Variants in C10orf143 observed in about 807,000 individuals in gnomAD.
C10orf143 encodes the protein uncharacterized protein C10orf143.
intron 3 of C10orf143, among the ~76,000 whole-genome samples, chr10:130,048,879 T>C (rs999778685): frequency 4.9e-4 from 74 of 152,116 alleles, no homozygotes; most frequent in Non-Finnish European, 9.7e-4. Context: ...GTTTTATTTA[T>C]TTATTCTTAG....
At chr10:130,109,365 G>A (rs1348326873) in intron 1 of C10orf143, among the ~76,000 whole-genome samples, 1 of 151,984 alleles carries the variant, frequency 6.6e-6, no homozygotes. Flanking sequence ...TGGTGTGAGG[G>A]GAAGGAACTT....
intron 1 of C10orf143, among the ~76,000 whole-genome samples, chr10:130,103,152 A>G (rs1233521430): frequency 6.6e-6 from 1 of 151,768 alleles, no homozygotes; most frequent in African/African-American, 2.4e-5. Context: ...CTAATTCTGT[A>G]TTTTTAGTAG....
At chr10:130,086,972 C>T (rs895980743) in intron 1 of C10orf143, among the ~76,000 whole-genome samples, 1 of 152,212 alleles carries the variant, frequency 6.6e-6, no homozygotes, top group South Asian at 2.1e-4. Context: ...GCTGAAGGGC[C>T]AGGGTCCCGA....
Position 130,102,962 on chromosome 10 carries a change from G to A in C10orf143, c.69+7742C>T, listed in dbSNP as rs529863969. Reference sequence around the variant, plus strand: ...ATTTATAGTGAGTTTCTTATAGATGGACTTATAATTGAGTCTTTTTTTTTT... The same window carrying A: ...ATTTATAGTGAGTTTCTTATAGATGAACTTATAATTGAGTCTTTTTTTTTT... On this transcript the variant is annotated intron_variant, in intron 1 of 3. Coordinates refer to ENST00000637128, the MANE Select transcript of C10orf143 (RefSeq NM_001355042.2). 3.3e-3 allele frequency among the ~76,000 whole-genome samples: 491 copies of A among 149,140 alleles called. 6 individuals carry two copies. Among genetic ancestry groups the A allele is most frequent in the African/African-American group, 0.011 (465 of 40,626 alleles).
At chr10:130,091,290 G>A (rs1861378758) in intron 1 of C10orf143, among the ~76,000 whole-genome samples, 1 of 152,200 alleles carries the variant, frequency 6.6e-6, no homozygotes, top group Non-Finnish European at 1.5e-5. Flanking sequence ...GGTCTGGAGT[G>A]GACCTCCAGC....
At chr10:130,103,081 C>T (rs1370930819) in intron 1 of C10orf143, among the ~76,000 whole-genome samples, 2 of 151,764 alleles carry the variant, frequency 1.3e-5, no homozygotes, top group South Asian at 2.1e-4. Context: ...CGGGCTCAAG[C>T]GATCCTCCTG....
intron 3 of C10orf143, among the ~76,000 whole-genome samples, chr10:130,044,507 C>G (rs918974996): frequency 2.0e-5 from 3 of 152,156 alleles, no homozygotes; most frequent in Non-Finnish European, 2.9e-5. Context: ...GGCTGGGAAC[C>G]CCGGGTGTGG....
intron 3 of C10orf143, among the ~76,000 whole-genome samples, chr10:130,038,715 C>T (rs991417522): frequency 6.6e-6 from 1 of 152,198 alleles, no homozygotes; most frequent in Admixed American, 6.5e-5. Flanking sequence ...CCTTAGCCTC[C>T]CTGGCTAATG....
chr10:130,075,989 TTG>T (rs1171236806), intron 3 of C10orf143, among the ~76,000 whole-genome samples: 3 of 150,016 alleles, frequency 2.0e-5, no homozygotes, highest in Non-Finnish European at 3.0e-5. Context: ...GTTTGTTTGT[TTG>T]TTTTTTTTTT....
intron 3 of C10orf143, among the ~76,000 whole-genome samples, chr10:130,057,884 G>A (rs772168573): frequency 2.6e-5 from 4 of 152,242 alleles, no homozygotes; most frequent in Non-Finnish European, 5.9e-5. Context: ...AACTGAGTAA[G>A]TGGCAGAGGA....
At chr10:130,062,065 G>A (rs1396465938), downstream of C10orf143, among the ~76,000 whole-genome samples, 1 of 152,192 alleles carries the variant, frequency 6.6e-6, no homozygotes, top group African/African-American at 2.4e-5. Context: ...AGAGTAGGAT[G>A]GGACTGAGGT....
intron 3 of C10orf143, among the ~76,000 whole-genome samples, chr10:130,055,179 A>G (rs1050875247): frequency 6.6e-6 from 1 of 152,220 alleles, no homozygotes; most frequent in South Asian, 2.1e-4. Context: ...AAACAGAGAG[A>G]AGGTTTCATG....
chr10:130,049,396 G>A (rs1364032026), intron 3 of C10orf143, among the ~76,000 whole-genome samples: 2 of 152,212 alleles, frequency 1.3e-5, no homozygotes, highest in East Asian at 1.9e-4. Flanking sequence ...AGCTCCAAAC[G>A]ACTGATTCCA....
chr10:130,090,912 C>T (rs1002929378), intron 1 of C10orf143, among the ~76,000 whole-genome samples: 3 of 152,204 alleles, frequency 2.0e-5, no homozygotes, highest in African/African-American at 4.8e-5. Context: ...AAGGCAGCAG[C>T]GCCAGTCAGG....
intron 3 of C10orf143, among the ~76,000 whole-genome samples, chr10:130,038,976 G>A (rs1317900028): frequency 1.3e-5 from 2 of 152,162 alleles, no homozygotes; most frequent in Non-Finnish European, 2.9e-5. Context: ...TGGAGCCACC[G>A]CTCTTCCCAG....
chr10:130,057,697 T>C (rs1209160315), intron 3 of C10orf143, among the ~76,000 whole-genome samples: 1 of 152,226 alleles, frequency 6.6e-6, no homozygotes, highest in African/African-American at 2.4e-5. Context: ...TTTAATCCTA[T>C]GCCACTGTGG....
At position 130,099,844 on chromosome 10, in the gene C10orf143, A is replaced by AT. The variant is rs1334180296; in HGVS notation, c.69+10859dup. On this transcript the variant is annotated intron_variant, in intron 1 of 3. Coordinates refer to ENST00000637128, the MANE Select transcript of C10orf143 (RefSeq NM_001355042.2). ...CCTAAATTTTTTTTATTTTTTCTTT[A>AT]TTTTTTTTTTTTTAAGATGGACTCT... is the stretch of plus-strand genomic sequence containing the variant. Among the ~76,000 whole-genome samples, 483 of 94,874 alleles carry AT rather than the reference A, an allele frequency of 5.1e-3. 2 individuals are homozygous for AT. The highest frequency in any genetic ancestry group is 0.012 in the African/African-American group (284 of 23,738). The allele number at this position is 94,874 out of a possible 152,430, so 62.2% of individuals were successfully genotyped here.
intron 3 of C10orf143, among the ~76,000 whole-genome samples, chr10:130,077,988 C>T (rs1015428694): frequency 6.6e-6 from 1 of 152,046 alleles, no homozygotes; most frequent in African/African-American, 2.4e-5. Flanking sequence ...TTTTTAAAGT[C>T]AGTTTCTGAA....
intron 3 of C10orf143, among the ~76,000 whole-genome samples, chr10:130,077,934 G>C (rs1861144734): frequency 6.6e-6 from 1 of 151,992 alleles, no homozygotes; most frequent in African/African-American, 2.4e-5. Flanking sequence ...CCCAAGCCTG[G>C]GTGAAATTTT....
Sources: gnomAD v4.1 joint callset for allele counts (sites outside exome capture counted in the v4.1 genomes callset) on GRCh38, gnomAD v4.1.1 for gene constraint, MANE v1.5 for transcripts, NCBI Gene and HGNC (gene_info 2026-07-23, HGNC 2026-07-21) for gene names.